CSMD1: variants seen among roughly 807,000 people sequenced by gnomAD.
The protein encoded by CSMD1 is CUB and Sushi multiple domains 1, also known as CUB and sushi domain-containing protein 1.
Under a neutral mutation model 417.5 loss-of-function variants are expected in CSMD1, and 213 were observed. That is an observed-to-expected ratio of 0.51 (90% confidence interval 0.46 to 0.57). The LOEUF (loss-of-function observed/expected upper bound fraction) is 0.57. Ranked by LOEUF, CSMD1 falls within the 20% of genes least tolerant of loss-of-function variation. The pLI, the probability that CSMD1 is intolerant of heterozygous loss-of-function variation, is 0.00. For missense variants in CSMD1, 6,923 were observed against 4,529.7 expected (o/e 1.53, Z -15.17); for synonymous variants, 2,862 against 1,736.8 (o/e 1.65, Z -16.11).
intron 5 of CSMD1, among the ~76,000 whole-genome samples, chr8:3,844,112 T>C (rs1803325013): frequency 6.6e-6 from 1 of 152,304 alleles, no homozygotes; most frequent in East Asian, 1.9e-4. Context: ...CCATTTTTAT[T>C]ATATACATAA....
intron 2 of CSMD1, among the ~76,000 whole-genome samples, chr8:4,590,650 A>G (rs1289622812): frequency 2.0e-5 from 3 of 152,328 alleles, no homozygotes; most frequent in Non-Finnish European, 4.4e-5. Flanking sequence ...GACTTTTACA[A>G]CATTATAAAG....
At chr8:4,332,889 A>C (rs1252141400) in intron 3 of CSMD1, among the ~76,000 whole-genome samples, 1 of 150,860 alleles carries the variant, frequency 6.6e-6, no homozygotes, top group African/African-American at 2.5e-5. Flanking sequence ...TGAGAAAAAC[A>C]ACACAATGAC....
intron 1 of CSMD1, among the ~76,000 whole-genome samples, chr8:4,748,520 A>T (rs1372760339): frequency 6.6e-6 from 1 of 152,222 alleles, no homozygotes; most frequent in South Asian, 2.1e-4. Context: ...TTTCTTTGTA[A>T]CTGTTCGTGA....
chr8:4,396,049 A>G (rs926125384), intron 3 of CSMD1, among the ~76,000 whole-genome samples: 2 of 152,176 alleles, frequency 1.3e-5, no homozygotes, highest in African/African-American at 2.4e-5. Flanking sequence ...AGCTAGCTAT[A>G]ATGTTGGCAT....
chr8:4,402,487 C>T (rs1804708475), intron 3 of CSMD1, among the ~76,000 whole-genome samples: 1 of 152,140 alleles, frequency 6.6e-6, no homozygotes, highest in Non-Finnish European at 1.5e-5. Flanking sequence ...ATGTTCATGA[C>T]CACTCCTCTC....
intron 3 of CSMD1, among the ~76,000 whole-genome samples, chr8:4,265,890 C>A (rs1480544066): frequency 4.8e-5 from 5 of 104,510 alleles, no homozygotes; most frequent in African/African-American, 1.3e-4. Flanking sequence ...AAGATTCCCA[C>A]ACAAATCCAA....
chr8:3,512,845 C>G (rs542836770), intron 10 of CSMD1, among the ~76,000 whole-genome samples: 2 of 152,066 alleles, frequency 1.3e-5, no homozygotes, highest in African/African-American at 4.8e-5. Flanking sequence ...ATCCGCCCAC[C>G]TCGGCCTCCC....
chr8:3,383,216 T>G (rs1810752210), intron 18 of CSMD1, among the ~76,000 whole-genome samples: 2 of 152,224 alleles, frequency 1.3e-5, no homozygotes. Flanking sequence ...TCATAGATGT[T>G]CATATGTATC....
chr8:3,582,618 C>A (rs115814017), intron 9 of CSMD1, among the ~76,000 whole-genome samples: 3 of 152,124 alleles, frequency 2.0e-5, no homozygotes, highest in African/African-American at 7.2e-5. Context: ...GGCTACTGAG[C>A]ACCTGAAATG....
intron 1 of CSMD1, among the ~76,000 whole-genome samples, chr8:4,892,123 A>AT (rs1224315199): frequency 6.6e-6 from 1 of 151,904 alleles, no homozygotes; most frequent in East Asian, 1.9e-4. Flanking sequence ...TCACAGGGAA[A>AT]TTTTTTTTCC....
chr8:3,838,204 G>C (rs762515713), intron 5 of CSMD1, among the ~76,000 whole-genome samples: 1 of 151,990 alleles, frequency 6.6e-6, no homozygotes, highest in Non-Finnish European at 1.5e-5. Context: ...CCTATGGATA[G>C]ATAACTATGA....
At chr8:4,464,147 G>A (rs1337159840) in intron 2 of CSMD1, among the ~76,000 whole-genome samples, 1 of 146,528 alleles carries the variant, frequency 6.8e-6, no homozygotes, top group African/African-American at 2.6e-5. Context: ...TATCCCTCCA[G>A]CTGGAATTCT....
intron 37 of CSMD1, among the ~76,000 whole-genome samples, chr8:3,172,590 G>A (rs948727840): frequency 2.6e-5 from 4 of 152,164 alleles, no homozygotes; most frequent in Non-Finnish European, 4.4e-5. Flanking sequence ...AGGGCAGGGC[G>A]AGACATGTGA....
intron 6 of CSMD1, among the ~76,000 whole-genome samples, chr8:3,751,299 AGT>A (rs67753470): frequency 0.27 from 37,768 of 140,080 alleles, 5,020 homozygotes; most frequent in Admixed American, 0.33. Flanking sequence ...ATACAATTGA[AGT>A]GTGTGTGTGT....
At chr8:4,090,704 G>C (rs547222993) in intron 3 of CSMD1, among the ~76,000 whole-genome samples, 25 of 152,286 alleles carry the variant, frequency 1.6e-4, no homozygotes, top group Middle Eastern at 6.8e-3. Flanking sequence ...GTAGGTTCTA[G>C]TGGAGTTTTA....
chr8:4,977,732 C>A (rs1374618375), intron 1 of CSMD1, among the ~76,000 whole-genome samples: 1 of 152,184 alleles, frequency 6.6e-6, no homozygotes, highest in African/African-American at 2.4e-5. Context: ...CACTAAGCTA[C>A]AAATTAGGTT....
chr8:4,321,360 A>G (rs1019147779), intron 3 of CSMD1, among the ~76,000 whole-genome samples: 2 of 152,116 alleles, frequency 1.3e-5, no homozygotes, highest in Admixed American at 6.6e-5. Context: ...CCGCGCTGGC[A>G]GTTAAAGCAT....
chr8:3,313,547 C>G (rs971748391), intron 23 of CSMD1, among the ~76,000 whole-genome samples: 3 of 152,158 alleles, frequency 2.0e-5, no homozygotes, highest in Non-Finnish European at 4.4e-5. Flanking sequence ...AAATGCAAAT[C>G]AAAACCACAA....
At chr8:3,433,242 T>G (rs1814334923) in intron 12 of CSMD1, among the ~76,000 whole-genome samples, 1 of 152,180 alleles carries the variant, frequency 6.6e-6, no homozygotes, top group Non-Finnish European at 1.5e-5. Flanking sequence ...GTAGTTACTT[T>G]TCTGTTTCTT....
Sources: allele counts gnomAD v4.1 joint callset (sites outside exome capture counted in the v4.1 genomes callset), GRCh38; gene constraint gnomAD v4.1.1; transcripts MANE v1.5; gene names NCBI Gene and HGNC (gene_info 2026-07-23, HGNC 2026-07-21).